ACSM3: variants seen among roughly 807,000 people sequenced by gnomAD.
ACSM3 encodes the protein acyl-coenzyme A synthetase ACSM3, mitochondrial.
ACSM3 carries 61 observed loss-of-function variants against 74.1 expected under a neutral mutation model. That is an observed-to-expected ratio of 0.82 (90% CI 0.67 to 1.02). The LOEUF is 1.02. Ranked by LOEUF, ACSM3 falls within the 50% of genes least tolerant of loss-of-function variation. The pLI is 0.00. For missense variants in ACSM3, 660 were observed against 697.0 expected, an observed-to-expected ratio of 0.95 and a Z score of 0.60; for synonymous variants, 213 against 241.5, an observed-to-expected ratio of 0.88 and a Z score of 1.09.
rs539780671 is a variant in ACSM3 at position 20,692,641 on chromosome 16, G to C, written c.-190+17819G>C. Among the ~76,000 whole-genome samples, 213 of 152,162 alleles carry C rather than the reference G, an allele frequency of 1.4e-3. 1 individual carries two copies. The highest frequency in any genetic ancestry group is 2.2e-3 in the Non-Finnish European group (152 of 68,032). ...AAGGAAAGAAAACAAAGAGGAAATG[G>C]GGTTCTTTATAGAATGTGGATTTTT... On this transcript the variant is annotated intron_variant, in intron 1 of 3. Transcript: ENST00000561584.
intron 1 of ACSM3, among the ~76,000 whole-genome samples, chr16:20,695,455 A>G (rs1394722763): frequency 6.6e-6 from 1 of 152,198 alleles, no homozygotes; most frequent in Non-Finnish European, 1.5e-5. Flanking sequence ...AAATTTCCTT[A>G]ACTTTTGGAG....
chr16:20,708,306 C>A (rs140365418), intron 1 of ACSM3, among the ~76,000 whole-genome samples: 4 of 151,846 alleles, frequency 2.6e-5, no homozygotes, highest in Non-Finnish European at 5.9e-5. Context: ...GTCTCAAAAA[C>A]AACAACAACA....
intron 1 of ACSM3, chr16:20,681,524 C>T (rs972787054): frequency 6.6e-6 from 1 of 152,152 alleles, no homozygotes; most frequent in Non-Finnish European, 1.5e-5. Flanking sequence ...CCTCATCCTC[C>T]CTTACCTTTT....
At chr16:20,788,414 G>A (rs1053519886) in intron 9 of ACSM3, among the ~76,000 whole-genome samples, 2 of 152,130 alleles carry the variant, frequency 1.3e-5, no homozygotes, top group African/African-American at 4.8e-5. Flanking sequence ...ATTAATTTGA[G>A]CCCAGTGGTT....
chr16:20,678,579 A>G (rs201975587), intron 1 of ACSM3, among the ~76,000 whole-genome samples: 13 of 152,238 alleles, frequency 8.5e-5, no homozygotes, highest in Non-Finnish European at 5.9e-5. Context: ...GGGACAGAGA[A>G]GGAACTAGAG....
chr16:20,716,069 T>C (rs2152384284), intron 1 of ACSM3, among the ~76,000 whole-genome samples: 1 of 152,318 alleles, frequency 6.6e-6, no homozygotes, highest in Non-Finnish European at 1.5e-5. Context: ...GTGAAATCTA[T>C]GAACCTTCTT....
At chr16:20,742,641 CA>C (rs35133233) in intron 1 of ACSM3, among the ~76,000 whole-genome samples, 51 of 129,676 alleles carry the variant, frequency 3.9e-4, no homozygotes, top group Admixed American at 7.7e-4. Context: ...GGCTCTGTCT[CA>C]AAAAAAAAAA....
Position 20,790,584 on chromosome 16 carries a change from T to C in ACSM3, c.1225-3T>C, listed in dbSNP as rs748054945. 1 of 1,612,470 alleles carries C rather than the reference T, an allele frequency of 6.2e-7. No individual in the cohort carries two copies. ...TTAAATAAATTGTTCTATTTTATCCTAGATTGTAGATGTAAATGGCAATGT... is the reference window on the plus strand; with the variant it reads ...TTAAATAAATTGTTCTATTTTATCCCAGATTGTAGATGTAAATGGCAATGT... On this transcript the variant is annotated splice_polypyrimidine_tract_variant and splice_region_variant and intron_variant, in intron 9 of 13. Transcript: ENST00000289416. The surrounding 1 kb of genome is among the most constrained non-coding windows in gnomAD (Gnocchi z 4.0).
chr16:20,716,059 G>A (rs1276929669), intron 1 of ACSM3, among the ~76,000 whole-genome samples: 1 of 152,156 alleles, frequency 6.6e-6, no homozygotes, highest in Non-Finnish European at 1.5e-5. Flanking sequence ...CCCAGGGAAA[G>A]TGAAATCTAT....
intron 1 of ACSM3, among the ~76,000 whole-genome samples, chr16:20,692,549 G>A (rs2079664066): frequency 6.6e-6 from 1 of 152,138 alleles, no homozygotes; most frequent in African/African-American, 2.4e-5. Context: ...AGAGCAGGTT[G>A]TAAAATATGT....
At chr16:20,722,959 T>G (rs1596485324) in intron 1 of ACSM3, among the ~76,000 whole-genome samples, 3 of 152,218 alleles carry the variant, frequency 2.0e-5, no homozygotes, top group African/African-American at 7.2e-5. Context: ...GTTACATATG[T>G]ATACATGTGC....
Position 20,749,072 on chromosome 16 carries a change from A to G in ACSM3, c.-189-838A>G, listed in dbSNP as rs116324082. Among the ~76,000 whole-genome samples, 357 of 152,284 alleles carry G rather than the reference A, an allele frequency of 2.3e-3. 2 individuals carry two copies. Among genetic ancestry groups the G allele is most frequent in the African/African-American group, 8.4e-3 (351 of 41,556 alleles). ...CGAAACTCCGTCTCCACAAAAAAAG[A>G]AAAAAGAAAAGATTTTCAAAGTGAG... On this transcript the variant is annotated intron_variant, in intron 1 of 3. Transcript: ENST00000561584.
rs1045557090 is a variant in ACSM3, at chr16:20,737,878, A to G, written c.-189-12032A>G. The G allele has an allele frequency of 6.2e-7, 1 of 1,613,944 alleles. No homozygotes were observed. On this transcript the variant is annotated intron_variant, in intron 1 of 3. Coordinates refer to the ACSM3 transcript ENST00000561584. ...CTTGCATGTGCCTGAGATGGGTAAC[A>G]TTCGCAAAATAACTCGAGTCTTCTT...
intron 9 of ACSM3, among the ~76,000 whole-genome samples, chr16:20,787,945 T>C (rs570374193): frequency 3.1e-4 from 47 of 152,276 alleles, no homozygotes; most frequent in Admixed American, 7.2e-4. Context: ...AGATGGTTGG[T>C]AAACCAAATA....
intron 1 of ACSM3, among the ~76,000 whole-genome samples, chr16:20,688,751 C>T (rs1046327471): frequency 1.3e-5 from 2 of 151,778 alleles, no homozygotes; most frequent in African/African-American, 4.8e-5. Flanking sequence ...TAGACTTGCC[C>T]CTACAAGAAA....
intron 1 of ACSM3, chr16:20,728,527 G>A (rs1254646617): frequency 5.2e-6 from 4 of 770,146 alleles, no homozygotes; most frequent in African/African-American, 3.7e-5. Flanking sequence ...TCTTAATACA[G>A]ACTTTGGTCC....
At position 20,777,497 on chromosome 16, in the gene ACSM3, A is replaced by G. The variant is rs776982840; in HGVS notation, c.555A>G (p.Ala185=). The change falls in exon 4 of 14, where the codon GCA becomes GCG. Residue 185 remains alanine (A), a synonymous_variant. Coordinates refer to ENST00000289416, the MANE Select transcript of ACSM3 (RefSeq NM_005622.4). The part of the protein sequence containing the change: ...DVLAPAVDAV[A]SKCENLHSKL... Reference sequence around the variant, plus strand: ...TAGCCCCAGCAGTAGACGCTGTTGCATCCAAATGTGAAAATCTGCACTCCA... The same window carrying G: ...TAGCCCCAGCAGTAGACGCTGTTGCGTCCAAATGTGAAAATCTGCACTCCA... 15 of 1,614,010 alleles carry G rather than the reference A, an allele frequency of 9.3e-6. No individual in the cohort carries two copies. Among genetic ancestry groups the G allele is most frequent in the South Asian group, 5.5e-5 (5 of 91,086 alleles).
chr16:20,741,964 A>C (rs2079931367), intron 1 of ACSM3: 1 of 1,530,042 alleles, frequency 6.5e-7, no homozygotes, highest in African/African-American at 1.4e-5. Flanking sequence ...TCCCGACTGC[A>C]ACCTGAATCC....
upstream of ACSM3, among the ~76,000 whole-genome samples, chr16:20,762,197 G>A (rs1399263703): frequency 1.3e-5 from 2 of 152,084 alleles, no homozygotes; most frequent in Admixed American, 1.3e-4. Flanking sequence ...CCTTTGAAGA[G>A]GCAAGAATCA....
Sources: gnomAD v4.1 joint callset for allele counts (sites outside exome capture counted in the v4.1 genomes callset) on GRCh38, gnomAD v4.1.1 for gene constraint, Gnocchi (gnomAD v3.1) non-coding constraint, MANE v1.5 for transcripts, NCBI Gene and HGNC (gene_info 2026-07-23, HGNC 2026-07-21) for gene names.